CNTNAP2: variants seen among roughly 807,000 people sequenced by gnomAD.
The protein encoded by CNTNAP2 is contactin-associated protein-like 2.
Under a neutral mutation model 155.2 loss-of-function variants are expected in CNTNAP2, and 98 were observed. The observed-to-expected ratio is 0.63, with a 90% CI of 0.54 to 0.75. The LOEUF is 0.75. CNTNAP2 is among the 30% of genes least tolerant of loss of function. The probability of loss-of-function intolerance (pLI) is 0.00; values close to 1 mark genes in which losing one functional copy is unlikely to be tolerated. For missense variants in CNTNAP2, 1,727 were observed against 1,688.1 expected, an observed-to-expected ratio of 1.02 and a Z score of -0.40; for synonymous variants, 651 against 631.2, an observed-to-expected ratio of 1.03 and a Z score of -0.47.
At chr7:146,401,191 C>A (rs748879949) in intron 1 of CNTNAP2, among the ~76,000 whole-genome samples, 10 of 152,028 alleles carry the variant, frequency 6.6e-5, no homozygotes, top group Non-Finnish European at 1.0e-4. Context: ...ATACATTCTC[C>A]CTGCCGCTCA....
intron 2 of CNTNAP2, among the ~76,000 whole-genome samples, chr7:146,800,891 C>G (rs1436759903): frequency 1.3e-5 from 2 of 151,666 alleles, no homozygotes; most frequent in African/African-American, 4.8e-5. Context: ...GAATTTTTTC[C>G]CACATGCAAT....
At chr7:147,474,279 G>A (rs1442607456) in intron 10 of CNTNAP2, among the ~76,000 whole-genome samples, 6 of 151,846 alleles carry the variant, frequency 4.0e-5, no homozygotes, top group Non-Finnish European at 8.8e-5. Context: ...GAACTGAAAT[G>A]AGCCACAGTT....
chr7:146,906,704 AAACAG>A (rs1477475378), intron 3 of CNTNAP2, among the ~76,000 whole-genome samples: 1 of 152,224 alleles, frequency 6.6e-6, no homozygotes, highest in Admixed American at 6.5e-5. Flanking sequence ...GATGGGGAGA[AAACAG>A]AACAGAAAAA....
At chr7:148,263,255 G>A (rs1383809825) in intron 20 of CNTNAP2, 3 of 152,164 alleles carry the variant, frequency 2.0e-5, no homozygotes, top group Admixed American at 1.3e-4. Flanking sequence ...GATTAGAACT[G>A]TACAGCATGA....
At chr7:146,727,185 A>G (rs1367583656) in intron 1 of CNTNAP2, among the ~76,000 whole-genome samples, 3 of 152,162 alleles carry the variant, frequency 2.0e-5, no homozygotes, top group Non-Finnish European at 4.4e-5. Context: ...TATCCCCATG[A>G]TACCGCTATT....
intron 13 of CNTNAP2, among the ~76,000 whole-genome samples, chr7:147,669,647 C>T (rs1185945870): frequency 6.6e-6 from 1 of 152,188 alleles, no homozygotes; most frequent in Non-Finnish European, 1.5e-5. Context: ...TCCCAGCCAG[C>T]CATCCTGGAG....
intron 9 of CNTNAP2, among the ~76,000 whole-genome samples, chr7:147,366,310 T>G (rs562352975): frequency 6.6e-6 from 1 of 152,238 alleles, no homozygotes; most frequent in African/African-American, 2.4e-5. Flanking sequence ...TCTGTCTCAA[T>G]GGAGATTTGT....
intron 2 of CNTNAP2, among the ~76,000 whole-genome samples, chr7:146,784,800 C>T (rs1247157964): frequency 1.3e-5 from 2 of 152,184 alleles, no homozygotes; most frequent in Middle Eastern, 6.8e-3. Context: ...CTGGACCACA[C>T]CTCCCTCTGT....
chr7:146,156,124 T>C (rs1216127713), intron 1 of CNTNAP2, among the ~76,000 whole-genome samples: 1 of 152,150 alleles, frequency 6.6e-6, no homozygotes, highest in African/African-American at 2.4e-5. Context: ...ATAATTATAT[T>C]TAATTAAAAC....
At chr7:148,159,877 T>C (rs1805484229) in intron 17 of CNTNAP2, among the ~76,000 whole-genome samples, 1 of 152,230 alleles carries the variant, frequency 6.6e-6, no homozygotes, top group South Asian at 2.1e-4. Context: ...CTTGTACCAG[T>C]ATATAATTTC....
intron 9 of CNTNAP2, among the ~76,000 whole-genome samples, chr7:147,341,974 G>A (rs1795772465): frequency 6.6e-6 from 1 of 152,138 alleles, no homozygotes. Context: ...TCTCACAGTT[G>A]TGGAGGCTAT....
intron 1 of CNTNAP2, among the ~76,000 whole-genome samples, chr7:146,635,730 T>C (rs1163001802): frequency 6.6e-6 from 1 of 151,900 alleles, no homozygotes; most frequent in East Asian, 1.9e-4. Context: ...GTGGATGATA[T>C]AAGAAGCAGG....
rs557443724 is a variant in CNTNAP2 at position 147,043,178 on chromosome 7, A to G, written c.403-729A>G. On this transcript the variant is annotated intron_variant, in intron 3 of 23. Coordinates refer to ENST00000361727, the MANE Select transcript of CNTNAP2 (RefSeq NM_014141.6). Reference sequence around the variant, plus strand: ...ATCCCATATTATCTTGCTCTAACTTATGAAATAGATAGTTTGTAAATCCTT... The same window carrying G: ...ATCCCATATTATCTTGCTCTAACTTGTGAAATAGATAGTTTGTAAATCCTT... Among the ~76,000 whole-genome samples, 3 of 152,236 alleles carry G rather than the reference A, an allele frequency of 2.0e-5. No homozygotes were observed. The South Asian group carries it at 6.2e-4, about 32-fold the overall frequency.
chr7:146,937,462 CTA>C (rs1282152430), intron 3 of CNTNAP2, among the ~76,000 whole-genome samples: 13 of 152,072 alleles, frequency 8.5e-5, no homozygotes, highest in Non-Finnish European at 1.9e-4. Flanking sequence ...GTTGTTCTCA[CTA>C]GAGTTAACTC....
rs112575328 is a variant in CNTNAP2, at chr7:146,654,459, C to G, written c.98-119812C>G. ...AAAGACAAGTAGACTAATAGCTTGG[C>G]TTCCCAGAAATAAATGAGACAATTC... On this transcript the variant is annotated intron_variant, in intron 1 of 23. Coordinates refer to ENST00000361727, the MANE Select transcript of CNTNAP2 (RefSeq NM_014141.6). 6.5e-3 allele frequency among the ~76,000 whole-genome samples: 982 copies of G among 152,186 alleles called. 8 individuals are homozygous for G. Among genetic ancestry groups the G allele is most frequent in the African/African-American group, 0.022 (914 of 41,548 alleles).
At chr7:147,609,402 G>A (rs1017104000) in intron 12 of CNTNAP2, among the ~76,000 whole-genome samples, 8 of 152,076 alleles carry the variant, frequency 5.3e-5, no homozygotes, top group Non-Finnish European at 7.4e-5. Flanking sequence ...ATGGTGGCGG[G>A]TGCCTGTAGT....
At chr7:148,033,201 A>C (rs952069310) in intron 15 of CNTNAP2, among the ~76,000 whole-genome samples, 2 of 152,152 alleles carry the variant, frequency 1.3e-5, no homozygotes, top group African/African-American at 4.8e-5. Flanking sequence ...TGCTGAATTT[A>C]AAAATACTTC....
intron 11 of CNTNAP2, among the ~76,000 whole-genome samples, chr7:147,508,599 T>C (rs1013573808): frequency 6.6e-6 from 1 of 152,226 alleles, no homozygotes; most frequent in African/African-American, 2.4e-5. Flanking sequence ...ATTCTTTGGC[T>C]GTGTCCCCAC....
chr7:147,417,428 T>A (rs990545887), intron 10 of CNTNAP2, among the ~76,000 whole-genome samples: 6 of 152,148 alleles, frequency 3.9e-5, no homozygotes, highest in Non-Finnish European at 7.3e-5. Flanking sequence ...TTTCTTTTTT[T>A]AAATAACAGC....
Sources: allele counts gnomAD v4.1 joint callset (sites outside exome capture counted in the v4.1 genomes callset), GRCh38; gene constraint gnomAD v4.1.1; transcripts MANE v1.5; gene names NCBI Gene and HGNC (gene_info 2026-07-23, HGNC 2026-07-21).